Variants in TOM1 observed in about 807,000 individuals in gnomAD.
The protein encoded by TOM1 is target of myb1 membrane trafficking protein.
A neutral mutation model predicts 61.3 loss-of-function variants in TOM1; 38 were observed. That is an observed-to-expected ratio of 0.62 (90% CI 0.48 to 0.81). TOM1 has a LOEUF of 0.81. Among genes scored for constraint, TOM1 ranks in the 40% least tolerant of loss-of-function variants. The pLI, the probability that TOM1 is intolerant of heterozygous loss-of-function variation, is 0.00. For missense variants in TOM1, 591 were observed against 659.6 expected (o/e 0.90, Z 1.14); for synonymous variants, 270 against 268.8 (o/e 1.00, Z -0.04).
rs1276550061 is a variant in TOM1 at position 35,330,259 on chromosome 22, G to A, written c.766-88G>A. On this transcript the variant is annotated intron_variant, in intron 7 of 14. Coordinates refer to ENST00000449058, the MANE Select transcript of TOM1 (RefSeq NM_005488.3). ...ATCGCACCACTGCACTCCAGCCTGGGCGACAGAGCTCCGTCTCACAAAAAA... is the reference window on the plus strand; with the variant it reads ...ATCGCACCACTGCACTCCAGCCTGGACGACAGAGCTCCGTCTCACAAAAAA... 3 of 1,394,790 alleles carry A rather than the reference G, an allele frequency of 2.2e-6. No individual in the cohort carries two copies. In the African/African-American group the frequency reaches 4.4e-5, roughly 20 times the overall value. The allele number at this position is 1,394,790 out of a possible 1,614,324, so 86.4% of individuals were successfully genotyped here.
chr22:35,329,894 C>T (rs1033899281), intron 7 of TOM1, among the ~76,000 whole-genome samples: 2 of 152,154 alleles, frequency 1.3e-5, no homozygotes, highest in Non-Finnish European at 2.9e-5. Flanking sequence ...TTGTAGAACC[C>T]AAAAAGCTGT....
rs181956635 is a variant in TOM1, at chr22:35,323,017, C to G, written c.217-11C>G. The G allele has an allele frequency of 6.2e-7, 1 of 1,613,454 alleles. No individual in the cohort carries two copies. The highest frequency in any genetic ancestry group is 1.3e-5 in the African/African-American group (1 of 74,928). On this transcript the variant is annotated splice_polypyrimidine_tract_variant and intron_variant, in intron 3 of 14. Transcript: ENST00000449058. This position sits in a 1 kb window ranked among gnomAD's most constrained non-coding sequence, Gnocchi z 4.2. ...GACCAAGGTGCTCGACGGCACCTCT[C>G]GGCCCTCCAGGTCTTAGAAACCTGT...
intron 2 of TOM1, among the ~76,000 whole-genome samples, chr22:35,321,403 G>T (rs1927765404): frequency 6.6e-6 from 1 of 151,616 alleles, no homozygotes; most frequent in Admixed American, 6.6e-5. Flanking sequence ...GCCCAGGCTG[G>T]AGTACAGTGG....
chr22:35,309,481 TAAAAATACAA>T (rs1424139026), intron 1 of TOM1, among the ~76,000 whole-genome samples: 1 of 151,958 alleles, frequency 6.6e-6, no homozygotes, highest in Admixed American at 6.6e-5. Flanking sequence ...CCATCTTTAC[TAAAAATACAA>T]ACATTAGCTG....
chr22:35,331,477 A>G, intron 8 of TOM1: 1 of 348,784 alleles, frequency 2.9e-6, no homozygotes, highest in Non-Finnish European at 5.7e-6. Flanking sequence ...GCTGAGCTTC[A>G]TTGTGCCTAC....
chr22:35,335,238 T>C (rs766466851), intron 11 of TOM1, among the ~76,000 whole-genome samples: 1 of 152,188 alleles, frequency 6.6e-6, no homozygotes, highest in Non-Finnish European at 1.5e-5. Context: ...AGGAAAGTTC[T>C]AGATTATGGG....
chr22:35,340,881 A>G (rs1929817205), intron 12 of TOM1, among the ~76,000 whole-genome samples: 1 of 152,176 alleles, frequency 6.6e-6, no homozygotes, highest in Admixed American at 6.5e-5. Flanking sequence ...GCCATTCCCA[A>G]GTCAGAACAG....
In TOM1 at chr22:35,299,952, G is replaced by A. The variant is rs146324937; in HGVS notation, c.24G>A (p.Pro8=). 2.2e-4 allele frequency: 345 copies of A among 1,582,644 alleles called. 1 individual carries two copies. The African/African-American group carries it at 4.3e-3, about 20-fold the overall frequency. The change falls in exon 1 of 15, where the codon CCG becomes CCA. Residue 8 remains proline (P), a synonymous_variant. Transcript: ENST00000449058. MDFLLGN[P]FSSPVGQRIE... is the part of the protein sequence containing the mutation. Reference sequence around the variant, plus strand: ...CAATGGACTTTCTCCTGGGGAACCCGTTCAGCTCTCCAGTGGGACAGCGCA... The same window carrying A: ...CAATGGACTTTCTCCTGGGGAACCCATTCAGCTCTCCAGTGGGACAGCGCA...
upstream of TOM1, chr22:35,299,880 G>C (rs556633791): frequency 1.9e-6 from 3 of 1,559,018 alleles, no homozygotes; most frequent in African/African-American, 1.4e-5. Flanking sequence ...TGGCGCTGGC[G>C]GTTGCTGTCA....
rs755494045 is a variant in TOM1 at position 35,347,242 on chromosome 22, C to T, written c.*33C>T. ...GTCTGGCACCCTGCAGCCCAGGTCC[C>T]CACTGCTCTCACACCCTTAGGCTGG... On this transcript the variant is annotated 3_prime_UTR_variant, in exon 15 of 15. Transcript: ENST00000449058. 8 of 1,563,312 alleles carry T rather than the reference C, an allele frequency of 5.1e-6. No homozygotes were observed. In the Admixed American group the frequency reaches 7.6e-5, roughly 15 times the overall value.
intron 13 of TOM1, among the ~76,000 whole-genome samples, chr22:35,346,316 C>T (rs1930498916): frequency 1.3e-5 from 2 of 152,360 alleles, no homozygotes; most frequent in South Asian, 2.1e-4. Context: ...GGGCTCCTAC[C>T]GCAGCATCTG....
chr22:35,316,042 T>C (rs1429254088), intron 1 of TOM1, among the ~76,000 whole-genome samples: 2 of 152,398 alleles, frequency 1.3e-5, no homozygotes, highest in African/African-American at 4.8e-5. Context: ...TAACAAGTTC[T>C]ACATGCCTAC....
At chr22:35,324,484 T>C (rs1569028662) in intron 6 of TOM1, among the ~76,000 whole-genome samples, 1 of 151,046 alleles carries the variant, frequency 6.6e-6, no homozygotes, top group Non-Finnish European at 1.5e-5. Context: ...CAAACATCTG[T>C]GCAAAAAATA....
intron 13 of TOM1, 136 bp from the exon 14 acceptor site, chr22:35,346,794 G>A: frequency 2.5e-6 from 2 of 787,358 alleles, no homozygotes; most frequent in South Asian, 1.8e-5. Flanking sequence ...TGGGACCTGG[G>A]TGGTGGGGGC....
intron 1 of TOM1, among the ~76,000 whole-genome samples, chr22:35,305,825 A>G (rs1451322929): frequency 6.6e-6 from 1 of 152,136 alleles, no homozygotes; most frequent in Non-Finnish European, 1.5e-5. Flanking sequence ...TTCAGTAGTG[A>G]GCTCCCCACC....
At chr22:35,346,845 G>T in intron 13 of TOM1, 85 bp from the exon 14 acceptor site, 1 of 1,317,934 alleles carries the variant, frequency 7.6e-7, no homozygotes, top group South Asian at 1.3e-5. Flanking sequence ...AGGTTCAGCG[G>T]GGCCCGAGCT....
chr22:35,300,451 G>C (rs1925648096), intron 1 of TOM1, among the ~76,000 whole-genome samples: 1 of 152,222 alleles, frequency 6.6e-6, no homozygotes. Context: ...CGGGCTTGGC[G>C]TCTTGGGGCC....
At chr22:35,343,204 CACACACACCCCT>C (rs1456864035) in intron 12 of TOM1, among the ~76,000 whole-genome samples, 38 of 124,374 alleles carry the variant, frequency 3.1e-4, no homozygotes, top group African/African-American at 1.2e-3. Flanking sequence ...CATACGCCTA[CACACACACCCCT>C]ACACACACCA....
rs1393150193 is a variant in TOM1 at position 35,317,733 on chromosome 22, G to A, written c.53-144G>A. The stretch of plus-strand genomic sequence containing the variant: ...TGTGTATAGAGCAGTCTCACACAGG[G>A]CCAGGCCCTGTGCCCAGGAAGTGTC... On this transcript the variant is annotated intron_variant, in intron 1 of 14. Coordinates refer to ENST00000449058, the MANE Select transcript of TOM1 (RefSeq NM_005488.3). 4.5e-6 allele frequency: 3 copies of A among 667,406 alleles called. No individual in the cohort carries two copies. The African/African-American group carries it at 5.4e-5, about 12-fold the overall frequency. 41.3% of individuals were successfully genotyped at this position (667,406 alleles called of 1,614,324 possible).
Sources: allele counts gnomAD v4.1 joint callset (sites outside exome capture counted in the v4.1 genomes callset), GRCh38; gene constraint gnomAD v4.1.1; non-coding constraint Gnocchi (gnomAD v3.1); transcripts MANE v1.5; gene names NCBI Gene and HGNC (gene_info 2026-07-23, HGNC 2026-07-21).